Variants in GLB1L3 observed in about 807,000 individuals in gnomAD.
The protein encoded by GLB1L3 is beta-galactosidase-1-like protein 3.
A neutral mutation model predicts 89.5 loss-of-function variants in GLB1L3; 89 were observed. The ratio of observed to expected loss-of-function variants is 0.99; its 90% confidence interval spans 0.84 to 1.19. The LOEUF (loss-of-function observed/expected upper bound fraction) is 1.19, where lower values mean the gene tolerates loss of function less well. Ranked by LOEUF, GLB1L3 falls within the 50% of genes most tolerant of loss-of-function variation. The probability of loss-of-function intolerance (pLI) is 0.00; values close to 1 mark genes in which losing one functional copy is unlikely to be tolerated. For missense variants in GLB1L3, 812 were observed against 813.3 expected, an observed-to-expected ratio of 1.00 and a Z score of 0.02; for synonymous variants, 314 against 312.3, an observed-to-expected ratio of 1.01 and a Z score of -0.06.
At chr11:134,324,856 A>G in the GLB1L3 span, among the ~76,000 whole-genome samples, 2 of 151,644 alleles carry the variant, frequency 1.3e-5, no homozygotes, top group Admixed American at 1.3e-4. Flanking sequence ...AAAAATTGTG[A>G]TATAACATAA....
chr11:134,313,967 A>G lies in GLB1L3; in HGVS notation c.1606A>G (p.Asn536Asp), dbSNP rs746038247. 4.3e-6 allele frequency: 7 copies of G among 1,612,388 alleles called. No individual in the cohort carries two copies. The highest frequency in any genetic ancestry group is 5.9e-6 in the Non-Finnish European group (7 of 1,178,824). Residue 536 changes from asparagine to aspartate, a missense_variant, in exon 17 of 20, where the codon AAC becomes GAC. Transcript: ENST00000431683. ...KGITGSVSIN[N>D]SSLEGFTIYS... ...AATAACTGGATCTGTCAGCATCAAT[A>G]ACTCTTCCCTGGAGGGCTTTACCAT...
chr11:134,308,405 C>T (rs1942433308), intron 10 of GLB1L3, among the ~76,000 whole-genome samples: 7 of 103,268 alleles, frequency 6.8e-5, no homozygotes, highest in East Asian at 2.8e-4. Flanking sequence ...CCATCACCAT[C>T]ACCACCACCA....
chr11:134,322,073 A>G (rs151145843), downstream of GLB1L3, among the ~76,000 whole-genome samples: 243 of 152,366 alleles, frequency 1.6e-3, 1 homozygote, highest in African/African-American at 5.0e-3. Flanking sequence ...GAGTTTTACA[A>G]GAGATACACC....
chr11:134,319,929 G>T (rs138271691), downstream of GLB1L3, among the ~76,000 whole-genome samples: 6 of 152,140 alleles, frequency 3.9e-5, no homozygotes, highest in Non-Finnish European at 7.4e-5. Context: ...CAAAGCTAGC[G>T]CAGGGTTCTC....
chr11:134,320,732 GAAAAACAAAAAAA>G (rs1943155485), downstream of GLB1L3, among the ~76,000 whole-genome samples: 1 of 124,414 alleles, frequency 8.0e-6, no homozygotes, highest in Admixed American at 8.3e-5. Flanking sequence ...TATTTTACAA[GAAAAACAAAAAAA>G]AAAAACAAAA....
At chr11:134,308,419 TCATCACCATCACCACCAC>T (rs1942441768) in intron 10 of GLB1L3, among the ~76,000 whole-genome samples, 3 of 19,800 alleles carry the variant, frequency 1.5e-4, no homozygotes, top group Admixed American at 7.4e-4. Context: ...ACCACCACCA[TCATCACCATCACCACCAC>T]CACCACCATC....
chr11:134,292,459 T>G, intron 8 of GLB1L3: 1 of 370,682 alleles, frequency 2.7e-6, no homozygotes, highest in Non-Finnish European at 4.9e-6. Context: ...AGCTCCTCTG[T>G]TCTCAGGACG....
intron 13 of GLB1L3, 195 bp downstream of exon 13, chr11:134,311,365 G>C (rs1434252390): frequency 3.5e-6 from 2 of 575,688 alleles, no homozygotes; most frequent in East Asian, 2.9e-5. Flanking sequence ...CAGTGTGCAG[G>C]GGAGGGGCAG....
At position 134,305,327 on chromosome 11, in the gene GLB1L3, A is replaced by T. The variant is rs146113789; in HGVS notation, c.877-1797A>T. 896 of 491,748 alleles carry T rather than the reference A, an allele frequency of 1.8e-3. 5 individuals are homozygous for T. Among genetic ancestry groups the T allele is most frequent in the African/African-American group, 0.016 (802 of 51,124 alleles). 30.5% of individuals were successfully genotyped at this position (491,748 alleles called of 1,614,324 possible). A position where few individuals can be genotyped will look rare whatever the true frequency, so the allele number is the denominator to read the frequency against. On this transcript the variant is annotated intron_variant, in intron 9 of 19. Coordinates refer to ENST00000431683, the MANE Select transcript of GLB1L3 (RefSeq NM_001080407.3). ...TATTGCACTATAGAGTATGCTTCTT[A>T]CTTAGGAGAAATTTGTGCTGTTAGT...
downstream of GLB1L3, among the ~76,000 whole-genome samples, chr11:134,320,956 G>A (rs1260171567): frequency 6.6e-6 from 1 of 151,422 alleles, no homozygotes; most frequent in African/African-American, 2.4e-5. Flanking sequence ...ATGTCTTGGG[G>A]CATTACATCT....
intron 3 of GLB1L3, 77 bp from the exon 4 acceptor site, chr11:134,281,300 T>A (rs1481933788): frequency 6.4e-7 from 1 of 1,560,236 alleles, no homozygotes; most frequent in Non-Finnish European, 8.8e-7. Context: ...GGTTTTGGCT[T>A]GGATTTGGGG....
intron 9 of GLB1L3, among the ~76,000 whole-genome samples, chr11:134,295,530 A>G (rs1055813337): frequency 2.6e-4 from 39 of 152,244 alleles, no homozygotes; most frequent in African/African-American, 9.4e-4. Context: ...CTAGAAGTTT[A>G]TAATTTTTTT....
In GLB1L3 at chr11:134,319,473, T is replaced by A. The variant is rs989194613; in HGVS notation, c.*531T>A. ...GTCTTCAAAATCTTTAATGACTGATTTATCTAGTTAAATGCTTAATCCTTA... is the reference window on the plus strand; with the variant it reads ...GTCTTCAAAATCTTTAATGACTGATATATCTAGTTAAATGCTTAATCCTTA... On this transcript the variant is annotated 3_prime_UTR_variant, in exon 20 of 20. Coordinates refer to ENST00000431683, the MANE Select transcript of GLB1L3 (RefSeq NM_001080407.3). 2.6e-5 allele frequency: 4 copies of A among 152,608 alleles called. No individual in the cohort carries two copies. Among genetic ancestry groups the A allele is most frequent in the African/African-American group, 9.6e-5 (4 of 41,580 alleles). The allele number at this position is 152,608 out of a possible 1,614,324, so 9.5% of individuals were successfully genotyped here. A position where few individuals can be genotyped will look rare whatever the true frequency, so the allele number is the denominator to read the frequency against.
intron 9 of GLB1L3, among the ~76,000 whole-genome samples, chr11:134,296,961 C>G (rs866470078): frequency 6.6e-6 from 1 of 152,002 alleles, no homozygotes; most frequent in African/African-American, 2.4e-5. Flanking sequence ...CAAGTAATCA[C>G]TATCCTTACT....
Position 134,312,420 on chromosome 11 carries a change from G to A in GLB1L3, c.1359G>A (p.Gly453=). The A allele has an allele frequency of 6.2e-7, 1 of 1,613,752 alleles. No homozygotes were observed. Among genetic ancestry groups the A allele is most frequent in the Non-Finnish European group, 8.5e-7 (1 of 1,179,892 alleles). ...PINNGSGQSY[G]LVLYEKSICS... ...ACAATGGGAGCGGCCAGTCCTACGG[G>A]CTTGTCCTGTATGAGAAGTCCATCT... Residue 453 remains glycine, a synonymous_variant, in exon 14 of 20, where the codon GGG becomes GGA. Coordinates refer to ENST00000431683, the MANE Select transcript of GLB1L3 (RefSeq NM_001080407.3).
At chr11:134,292,392 A>G in intron 8 of GLB1L3, 179 bp downstream of exon 8, 1 of 536,130 alleles carries the variant, frequency 1.9e-6, no homozygotes, top group Non-Finnish European at 3.3e-6. Context: ...GCTCAGGGCC[A>G]CTCACAGCTC....
At chr11:134,306,690 A>G (rs557983720) in intron 9 of GLB1L3, among the ~76,000 whole-genome samples, 7 of 152,250 alleles carry the variant, frequency 4.6e-5, no homozygotes, top group Non-Finnish European at 1.0e-4. Context: ...GTCACCTTTT[A>G]AAAACAGAAT....
At chr11:134,293,883 A>G (rs512731) in intron 9 of GLB1L3, among the ~76,000 whole-genome samples, 133,008 of 151,922 alleles carry the variant, frequency 0.88, 58,769 homozygotes, top group Middle Eastern at 0.97. Flanking sequence ...CGCCTTGGCC[A>G]GCTGGGCCGC....
intron 9 of GLB1L3, chr11:134,305,002 G>A (rs762440065): frequency 5.8e-6 from 7 of 1,212,484 alleles, no homozygotes; most frequent in South Asian, 1.7e-5. Context: ...ATGCGACTGC[G>A]CTAACAATGT....
Sources: gnomAD v4.1 joint callset for allele counts (sites outside exome capture counted in the v4.1 genomes callset) on GRCh38, gnomAD v4.1.1 for gene constraint, MANE v1.5 for transcripts, NCBI Gene and HGNC (gene_info 2026-07-23, HGNC 2026-07-21) for gene names.